WDR33: variants seen among roughly 807,000 people sequenced by gnomAD.
WDR33 encodes pre-mRNA 3' end processing protein WDR33.
Under a neutral mutation model 164.9 loss-of-function variants are expected in WDR33, and 47 were observed. That is an observed-to-expected ratio of 0.29 (90% CI 0.23 to 0.36). The LOEUF (loss-of-function observed/expected upper bound fraction) is 0.36. WDR33 is among the 10% of genes least tolerant of loss of function. The probability of loss-of-function intolerance (pLI) is 1.00; values close to 1 mark genes in which losing one functional copy is unlikely to be tolerated. For missense variants in WDR33, 1,137 were observed against 1,754.1 expected (o/e 0.65, Z 6.28); for synonymous variants, 505 against 589.0 (o/e 0.86, Z 2.06).
intron 7 of WDR33, among the ~76,000 whole-genome samples, chr2:127,734,497 A>T (rs1558929320): frequency 6.6e-6 from 1 of 152,230 alleles, no homozygotes; most frequent in Non-Finnish European, 1.5e-5. Context: ...CATTAATAGC[A>T]TTAAAATGTA....
At chr2:127,801,189 CAGG>C (rs995102961) in intron 1 of WDR33, among the ~76,000 whole-genome samples, 2 of 151,794 alleles carry the variant, frequency 1.3e-5, no homozygotes, top group African/African-American at 4.8e-5. Flanking sequence ...GAGGCTAAGG[CAGG>C]AGGTTTGCTT....
In WDR33 at chr2:127,768,965, C is replaced by T. The variant is rs761308540; in HGVS notation, c.241G>A (p.Ala81Thr). ...IWQRDQRDMR[A>T]IQPDAGYYND... ...TAATAACCTGCATCAGGCTGAATTGCCCGCATATCTCTCTGGTCTCTTTGC... is the reference window on the plus strand; with the variant it reads ...TAATAACCTGCATCAGGCTGAATTGTCCGCATATCTCTCTGGTCTCTTTGC... Residue 81 changes from alanine (A) to threonine (T), a missense_variant, in exon 3 of 22, where the codon GCA (alanine) becomes ACA (threonine). Around this residue, in one of 9 missense-constraint regions of WDR33, gnomAD observed 55 missense variants for 84.6 expected, o/e 0.65. Coordinates refer to ENST00000322313, the MANE Select transcript of WDR33 (RefSeq NM_018383.5). The T allele has an allele frequency of 1.9e-6, 3 of 1,587,156 alleles. No homozygotes were observed. The highest frequency in any genetic ancestry group is 2.6e-6 in the Non-Finnish European group (3 of 1,167,952).
At chr2:127,788,446 G>A (rs577391347) in intron 1 of WDR33, among the ~76,000 whole-genome samples, 15 of 127,826 alleles carry the variant, frequency 1.2e-4, no homozygotes, top group South Asian at 2.6e-4. Flanking sequence ...CCTCCCTCCC[G>A]GACGGGGCGG....
chr2:127,772,869 TC>T (rs1688054245), intron 1 of WDR33, among the ~76,000 whole-genome samples: 1 of 151,016 alleles, frequency 6.6e-6, no homozygotes, highest in African/African-American at 2.4e-5. Flanking sequence ...ACATCTGTTA[TC>T]CCAGCACTTT....
Position 127,720,124 on chromosome 2 carries a change from T to A in WDR33, c.1901A>T (p.Gln634Leu). The change falls in exon 16 of 22, where the codon CAA becomes CTA. Residue 634 changes from glutamine to leucine, a missense_variant. Physicochemically the swap from Gln to Leu is moderately radical, Grantham distance 113. This residue lies in a region of WDR33 where 867 missense variants were observed against 1,073.0 expected (regional missense o/e 0.81). Transcript: ENST00000322313. This position sits in a 1 kb window ranked among gnomAD's most constrained non-coding sequence, Gnocchi z 5.9. ...GQFRPPGPQG[Q>L]MGPQGPPLHQ... ...CAGTGGAGGACCTTGTGGTCCCATTTGTCCCTGGGGTCCAGGAGGCCTAAA... is the reference window on the plus strand; with the variant it reads ...CAGTGGAGGACCTTGTGGTCCCATTAGTCCCTGGGGTCCAGGAGGCCTAAA... The A allele has an allele frequency of 1.2e-6, 2 of 1,614,116 alleles. No individual in the cohort carries two copies. Among genetic ancestry groups the A allele is most frequent in the Non-Finnish European group, 1.7e-6 (2 of 1,179,998 alleles).
At position 127,719,218 on chromosome 2, in the gene WDR33, CAG is replaced by C. The variant is rs751633634; in HGVS notation, c.2760+45_2760+46del. On this transcript the variant is annotated intron_variant, in intron 16 of 21. Coordinates refer to ENST00000322313, the MANE Select transcript of WDR33 (RefSeq NM_018383.5). The surrounding 1 kb of genome is among the most constrained non-coding windows in gnomAD (Gnocchi z 6.5). The stretch of plus-strand genomic sequence containing the variant: ...AATACTCAGCAGTATTACTTCTGTG[CAG>C]AGTGTATTTTCCCAATGTGCCCGTG... 14 of 1,386,816 alleles carry C rather than the reference CAG, an allele frequency of 1.0e-5. No individual in the cohort carries two copies. The highest frequency in any genetic ancestry group is 1.9e-4 in the Middle Eastern group (1 of 5,220). The allele number at this position is 1,386,816 out of a possible 1,614,324, so 85.9% of individuals were successfully genotyped here.
chr2:127,728,891 C>T (rs1334295930), intron 7 of WDR33, among the ~76,000 whole-genome samples: 3 of 152,080 alleles, frequency 2.0e-5, no homozygotes, highest in Non-Finnish European at 2.9e-5. Context: ...ACATAAAGAA[C>T]GTATGTCTGT....
Position 127,713,064 on chromosome 2 carries a change from T to A in WDR33, c.3308+519A>T, listed in dbSNP as rs1255982564. Among the ~76,000 whole-genome samples the A allele has an allele frequency of 6.6e-6, 1 of 152,248 alleles. No individual in the cohort carries two copies. The highest frequency in any genetic ancestry group is 2.1e-4 in the South Asian group (1 of 4,836). On this transcript the variant is annotated intron_variant, in intron 18 of 21. Coordinates refer to ENST00000322313, the MANE Select transcript of WDR33 (RefSeq NM_018383.5). This position sits in a 1 kb window ranked among gnomAD's most constrained non-coding sequence, Gnocchi z 6.2. ...GAGCCACTGGTCCTGGGCTAATTCC[T>A]GTTTCTTTCTCCACATTTCTTCTGT...
At chr2:127,736,416 A>G (rs1470234793) in intron 7 of WDR33, 16 of 985,346 alleles carry the variant, frequency 1.6e-5, no homozygotes, top group Non-Finnish European at 1.9e-5. Context: ...GTGGTAGCAC[A>G]GAAGTGTTTT....
At chr2:127,808,902 C>A (rs1310567034) in intron 1 of WDR33, among the ~76,000 whole-genome samples, 2 of 151,950 alleles carry the variant, frequency 1.3e-5, no homozygotes, top group African/African-American at 2.4e-5. Context: ...CGGTGGCGGG[C>A]GCCTATAGTC....
intron 1 of WDR33, among the ~76,000 whole-genome samples, chr2:127,810,192 A>C (rs561994414): frequency 6.6e-6 from 1 of 152,310 alleles, no homozygotes; most frequent in South Asian, 2.1e-4. Context: ...AATGTCTTCC[A>C]AAGTTCCTGA....
intron 7 of WDR33, among the ~76,000 whole-genome samples, chr2:127,743,018 C>T (rs1202631655): frequency 6.6e-6 from 1 of 152,020 alleles, no homozygotes; most frequent in Non-Finnish European, 1.5e-5. Flanking sequence ...CGTAAAAATT[C>T]AGAAGGCAAA....
chr2:127,751,262 G>A (rs1377094731), intron 7 of WDR33, among the ~76,000 whole-genome samples: 1 of 151,940 alleles, frequency 6.6e-6, no homozygotes, highest in East Asian at 1.9e-4. Context: ...TCAGGAGGCT[G>A]ACGTGGGAGG....
At position 127,771,000 on chromosome 2, in the gene WDR33, G is replaced by C; in HGVS notation, c.-19C>G. 1 of 1,610,584 alleles carries C rather than the reference G, an allele frequency of 6.2e-7. No individual in the cohort carries two copies. The highest frequency in any genetic ancestry group is 8.5e-7 in the Non-Finnish European group (1 of 1,177,862). ...TAGCCATGGTGATGTTTTCCTTCTA[G>C]GATACTAGGATAAGGAAAAAGTACT... On this transcript the variant is annotated 5_prime_UTR_variant, in exon 2 of 22. Transcript: ENST00000322313. This position sits in a 1 kb window ranked among gnomAD's most constrained non-coding sequence, Gnocchi z 4.9.
Position 127,720,469 on chromosome 2 carries a change from C to T in WDR33, c.1672-116G>A, listed in dbSNP as rs184403163. Reference sequence around the variant, plus strand: ...CTCTCAAACATAAAAACTGCTCAAACTCTTCACGCTCCAGTGGTAATTAGA... The same window carrying T: ...CTCTCAAACATAAAAACTGCTCAAATTCTTCACGCTCCAGTGGTAATTAGA... On this transcript the variant is annotated intron_variant, in intron 15 of 21. Coordinates refer to ENST00000322313, the MANE Select transcript of WDR33 (RefSeq NM_018383.5). The surrounding 1 kb of genome is among the most constrained non-coding windows in gnomAD (Gnocchi z 5.9). 96 of 1,250,250 alleles carry T rather than the reference C, an allele frequency of 7.7e-5. No individual in the cohort carries two copies. The African/African-American group carries it at 1.3e-3, about 17-fold the overall frequency. 77.4% of individuals were successfully genotyped at this position (1,250,250 alleles called of 1,614,324 possible).
At chr2:127,769,268 A>G (rs1422290597) in intron 2 of WDR33, among the ~76,000 whole-genome samples, 1 of 152,066 alleles carries the variant, frequency 6.6e-6, no homozygotes, top group Non-Finnish European at 1.5e-5. Context: ...CAGGCAGATC[A>G]CCTGAGGTCA....
rs139698649 is a variant in WDR33, at chr2:127,724,070, C to CAAATAAAT, written c.1196+255_1196+262dup. 4.0e-5 allele frequency among the ~76,000 whole-genome samples: 6 copies of CAAATAAAT among 150,786 alleles called. No individual in the cohort carries two copies. The highest frequency in any genetic ancestry group is 7.4e-5 in the African/African-American group (3 of 40,798). On this transcript the variant is annotated intron_variant, in intron 11 of 21. Transcript: ENST00000322313. The surrounding 1 kb of genome is among the most constrained non-coding windows in gnomAD (Gnocchi z 4.8). ...GCCAGCCTGGACAGAGACCCTGTCT[C>CAAATAAAT]AAATAAATAAATAAATAAATAAATA... is the stretch of plus-strand genomic sequence containing the variant.
chr2:127,758,581 C>G (rs1687584791), intron 7 of WDR33, among the ~76,000 whole-genome samples: 1 of 152,088 alleles, frequency 6.6e-6, no homozygotes, highest in Admixed American at 6.5e-5. Context: ...GAAGGTAAAA[C>G]AAAATTAAAG....
chr2:127,736,774 C>G, intron 7 of WDR33: 1 of 985,248 alleles, frequency 1.0e-6, no homozygotes, highest in Admixed American at 6.1e-5. Context: ...ATTTTTGAGT[C>G]AAATAAAAAC....
Sources: allele counts gnomAD v4.1 joint callset (sites outside exome capture counted in the v4.1 genomes callset), GRCh38; gene constraint gnomAD v4.1.1; regional missense constraint gnomAD v4.1.1; non-coding constraint Gnocchi (gnomAD v3.1); transcripts MANE v1.5; gene names NCBI Gene and HGNC (gene_info 2026-07-23, HGNC 2026-07-21).